Variants in CSNK1A1 observed in about 807,000 individuals in gnomAD.
CSNK1A1 encodes the protein casein kinase 1 alpha 1.
CSNK1A1 carries 7 observed loss-of-function variants against 46.1 expected under a neutral mutation model. The observed-to-expected ratio is 0.15, with a 90% confidence interval of 0.09 to 0.29. The LOEUF (loss-of-function observed/expected upper bound fraction) is 0.29, where lower values mean the gene tolerates loss of function less well. Ranked by LOEUF, CSNK1A1 falls within the 10% of genes least tolerant of loss-of-function variation. The pLI, the probability that CSNK1A1 is intolerant of heterozygous loss-of-function variation, is 1.00. For synonymous variants in CSNK1A1, 137 were observed against 141.5 expected, an observed-to-expected ratio of 0.97 and a Z score of 0.23; for missense variants, 96 against 417.1, an observed-to-expected ratio of 0.23 and a Z score of 6.71.
chr5:149,493,971 G>A lies in CSNK1A1; in HGVS notation c.*2882C>T, dbSNP rs940373449. On this transcript the variant is annotated 3_prime_UTR_variant, in exon 10 of 10. Coordinates refer to ENST00000377843, the MANE Select transcript of CSNK1A1 (RefSeq NM_001892.6). Reference sequence around the variant, plus strand: ...CAGGAACTCACCTGCATTAAATGCTGAATTTAACTGAGCTAAAAATGTCTA... The same window carrying A: ...CAGGAACTCACCTGCATTAAATGCTAAATTTAACTGAGCTAAAAATGTCTA... 1.3e-5 allele frequency: 2 copies of A among 152,166 alleles called. No individual in the cohort carries two copies. The highest frequency in any genetic ancestry group is 4.8e-5 in the African/African-American group (2 of 41,438). 9.4% of individuals were successfully genotyped at this position (152,166 alleles called of 1,614,324 possible).
intron 2 of CSNK1A1, among the ~76,000 whole-genome samples, chr5:149,537,364 A>C (rs957150225): frequency 2.0e-5 from 3 of 152,212 alleles, no homozygotes; most frequent in Admixed American, 1.3e-4. Context: ...CGACAGAGTG[A>C]GACTCCATCT....
chr5:149,521,225 C>A (rs1405080618), intron 3 of CSNK1A1, among the ~76,000 whole-genome samples: 1 of 151,086 alleles, frequency 6.6e-6, no homozygotes, highest in Non-Finnish European at 1.5e-5. Flanking sequence ...TAGATAATAT[C>A]ACACTGCCTT....
chr5:149,521,991 C>T (rs1203639396), intron 3 of CSNK1A1, among the ~76,000 whole-genome samples: 1 of 152,146 alleles, frequency 6.6e-6, no homozygotes, highest in East Asian at 1.9e-4. Context: ...TTCTTGTTAG[C>T]TTTTAGGAGT....
At chr5:149,548,006 G>T (rs192748235) in intron 2 of CSNK1A1, among the ~76,000 whole-genome samples, 143 of 152,144 alleles carry the variant, frequency 9.4e-4, no homozygotes, top group Admixed American at 2.4e-3. Flanking sequence ...GAGTAGCTGG[G>T]ATTACAGGCA....
At position 149,544,737 on chromosome 5, in the gene CSNK1A1, T is replaced by TATATATATATATATATATATATATA. The variant is rs1554118044; in HGVS notation, c.230+5337_230+5338insTATATATATATATATATATATATAT. On this transcript the variant is annotated intron_variant, in intron 2 of 9. Coordinates refer to ENST00000377843, the MANE Select transcript of CSNK1A1 (RefSeq NM_001892.6). ...GTGAGGATGATGAGGGTAAAGAGCT[T>TATATATATATATATATATATATATA]TATATATATATATATATATATATAT... Among the ~76,000 whole-genome samples, 28 of 80,792 alleles carry TATATATATATATATATATATATATA rather than the reference T, an allele frequency of 3.5e-4. 2 individuals carry two copies. The highest frequency in any genetic ancestry group is 6.9e-4 in the Admixed American group (5 of 7,284). 53.0% of individuals were successfully genotyped at this position (80,792 alleles called of 152,430 possible).
At chr5:149,505,838 G>A (rs904732789) in intron 8 of CSNK1A1, among the ~76,000 whole-genome samples, 47 of 152,162 alleles carry the variant, frequency 3.1e-4, no homozygotes, top group Non-Finnish European at 3.8e-4. Flanking sequence ...AAACAAGTAA[G>A]AGTAAATATT....
chr5:149,521,905 G>A (rs1761583596), intron 3 of CSNK1A1, among the ~76,000 whole-genome samples: 1 of 152,026 alleles, frequency 6.6e-6, no homozygotes, highest in Middle Eastern at 3.2e-3. Flanking sequence ...ACTGCGCCTG[G>A]CCCTTCTATG....
intron 3 of CSNK1A1, among the ~76,000 whole-genome samples, chr5:149,522,176 C>T (rs768261986): frequency 2.6e-5 from 4 of 152,042 alleles, no homozygotes; most frequent in Non-Finnish European, 4.4e-5. Flanking sequence ...GACGAGATCA[C>T]GGCTCACAGC....
intron 2 of CSNK1A1, among the ~76,000 whole-genome samples, chr5:149,543,632 C>T (rs533398530): frequency 6.6e-6 from 1 of 152,196 alleles, no homozygotes; most frequent in Admixed American, 6.5e-5. Context: ...TAAGATTAAG[C>T]TGCTTTTAAA....
chr5:149,500,832 ACT>A (rs1760833079), intron 9 of CSNK1A1, among the ~76,000 whole-genome samples: 1 of 151,802 alleles, frequency 6.6e-6, no homozygotes, highest in Non-Finnish European at 1.5e-5. Flanking sequence ...ACCTGTAATA[ACT>A]CTTCCTTCCC....
chr5:149,505,934 T>C (rs370226775), intron 8 of CSNK1A1, among the ~76,000 whole-genome samples: 11 of 149,686 alleles, frequency 7.3e-5, no homozygotes, highest in African/African-American at 1.2e-4. Flanking sequence ...AATTCTCTCT[T>C]TTTTTTTTTG....
At chr5:149,538,863 G>A (rs1347510822) in intron 2 of CSNK1A1, among the ~76,000 whole-genome samples, 3 of 151,780 alleles carry the variant, frequency 2.0e-5, no homozygotes, top group African/African-American at 2.4e-5. Context: ...CGGATGTTGC[G>A]GTGAGCCGAG....
At chr5:149,538,241 C>T (rs1428481731) in intron 2 of CSNK1A1, among the ~76,000 whole-genome samples, 2 of 151,882 alleles carry the variant, frequency 1.3e-5, no homozygotes, top group African/African-American at 2.4e-5. Context: ...AGGCTGGTCT[C>T]GAACTCCCGA....
In CSNK1A1 at chr5:149,542,640, GTATATATATATATATATATA is replaced by G. The variant is rs1311690619; in HGVS notation, c.230+7415_230+7434del. On this transcript the variant is annotated intron_variant, in intron 2 of 9. Coordinates refer to ENST00000377843, the MANE Select transcript of CSNK1A1 (RefSeq NM_001892.6). ...TATATATATATATATATATATATAT[GTATATATATATATATATATA>G]TATATATATATGTATATATATATAT... Among the ~76,000 whole-genome samples the G allele has an allele frequency of 1.1e-3, 14 of 13,054 alleles. 2 individuals are homozygous for G. The highest frequency in any genetic ancestry group is 6.0e-4 in the Non-Finnish European group (5 of 8,386). The allele number at this position is 13,054 out of a possible 152,430, so 8.6% of individuals were successfully genotyped here. A position where few individuals can be genotyped will look rare whatever the true frequency, so the allele number is the denominator to read the frequency against.
chr5:149,541,897 G>A (rs1762242813), intron 2 of CSNK1A1, among the ~76,000 whole-genome samples: 1 of 148,806 alleles, frequency 6.7e-6, no homozygotes, highest in Admixed American at 6.8e-5. Flanking sequence ...CTTGAACCTG[G>A]GAAGTGGAGG....
At chr5:149,515,822 A>T (rs1385413327) in intron 4 of CSNK1A1, among the ~76,000 whole-genome samples, 1 of 152,212 alleles carries the variant, frequency 6.6e-6, no homozygotes, top group Non-Finnish European at 1.5e-5. Context: ...GGCAGAACCA[A>T]ATGAGGAAAA....
Position 149,517,747 on chromosome 5 carries a change from A to C in CSNK1A1, c.456+2543T>G, listed in dbSNP as rs754456223. Reference sequence around the variant, plus strand: ...TCAAAATAAAACAATAAAAAAGAAAAGCACATGAATTTGGGATTGAGGTTG... The same window carrying C: ...TCAAAATAAAACAATAAAAAAGAAACGCACATGAATTTGGGATTGAGGTTG... On this transcript the variant is annotated intron_variant, in intron 4 of 9. Transcript: ENST00000377843. The surrounding 1 kb of genome is among the most constrained non-coding windows in gnomAD (Gnocchi z 4.4). The C allele has an allele frequency of 1.2e-5, 14 of 1,163,498 alleles. No individual in the cohort carries two copies. Among genetic ancestry groups the C allele is most frequent in the Non-Finnish European group, 1.8e-5 (14 of 798,650 alleles). The allele number at this position is 1,163,498 out of a possible 1,614,324, so 72.1% of individuals were successfully genotyped here.
At chr5:149,545,252 TTC>T (rs1450474575) in intron 2 of CSNK1A1, 13 of 219,894 alleles carry the variant, frequency 5.9e-5, no homozygotes, top group Non-Finnish European at 1.1e-4. Flanking sequence ...TCCAAGAATT[TTC>T]TTTCTTTTTT....
intron 5 of CSNK1A1, among the ~76,000 whole-genome samples, chr5:149,512,840 C>T (rs1191338666): frequency 6.6e-6 from 1 of 152,164 alleles, no homozygotes; most frequent in African/African-American, 2.4e-5. Flanking sequence ...TTCTATCACG[C>T]AGTATTTTCC....
Sources: gnomAD v4.1 joint callset for allele counts (sites outside exome capture counted in the v4.1 genomes callset) on GRCh38, gnomAD v4.1.1 for gene constraint, Gnocchi (gnomAD v3.1) non-coding constraint, MANE v1.5 for transcripts, NCBI Gene and HGNC (gene_info 2026-07-23, HGNC 2026-07-21) for gene names.